TBC1D30: variants seen among roughly 807,000 people sequenced by gnomAD.
The protein encoded by TBC1D30 is TBC1 domain family member 30.
In TBC1D30, 31 loss-of-function variants were observed where a neutral mutation model predicts 63.2. That is an observed-to-expected ratio of 0.49 (90% confidence interval 0.37 to 0.66). The LOEUF (loss-of-function observed/expected upper bound fraction) is 0.66. Ranked by LOEUF, TBC1D30 falls within the 30% of genes least tolerant of loss-of-function variation. The pLI, the probability that TBC1D30 is intolerant of heterozygous loss-of-function variation, is 0.00. For missense variants in TBC1D30, 810 were observed against 953.6 expected (o/e 0.85, Z 1.98); for synonymous variants, 307 against 361.5 (o/e 0.85, Z 1.71).
chr12:64,765,176 A>G (rs564159354), intron 1 of TBC1D30, among the ~76,000 whole-genome samples: 2 of 152,266 alleles, frequency 1.3e-5, no homozygotes, highest in South Asian at 4.1e-4. Context: ...TGAAATTCAC[A>G]ATGTCCTGCG....
At position 64,775,114 on chromosome 12, in the gene TBC1D30, TATAG is replaced by T. The variant is rs1426601597; in HGVS notation, c.-375-10763_-375-10760del. ...TCTCAAAAAAAAAAAAATATATATA[TATAG>T]ATATAGATATAGATATATATGGAAG... On this transcript the variant is annotated intron_variant, in intron 1 of 13. Transcript: ENST00000674237. Among the ~76,000 whole-genome samples, 1,120 of 149,358 alleles carry T rather than the reference TATAG, an allele frequency of 7.5e-3. 19 individuals carry two copies. Among genetic ancestry groups the T allele is most frequent in the African/African-American group, 0.025 (1,026 of 40,658 alleles).
intron 1 of TBC1D30, among the ~76,000 whole-genome samples, chr12:64,762,343 A>G (rs1870547178): frequency 6.6e-6 from 1 of 152,220 alleles, no homozygotes; most frequent in South Asian, 2.1e-4. Flanking sequence ...AATGTAAGAT[A>G]AATATAATCA....
chr12:64,812,891 T>TA (rs944346293), intron 2 of TBC1D30, among the ~76,000 whole-genome samples: 1 of 151,918 alleles, frequency 6.6e-6, no homozygotes, highest in South Asian at 2.1e-4. Context: ...AGTAACATGT[T>TA]AAAAAAAATC....
rs751798157 is a variant in TBC1D30, at chr12:64,875,658, G to A, written c.2156G>A (p.Arg719Gln). 79 of 1,536,180 alleles carry A rather than the reference G, an allele frequency of 5.1e-5. No individual in the cohort carries two copies. The Middle Eastern group carries it at 6.7e-4, about 13-fold the overall frequency. ...FSPFPSVKPL[R>Q]KSATARNLGL... ...CCTTTTCCCAGCGTCAAGCCCCTGC[G>A]GAAATCTGCTACTGCCAGGAACTTG... The change falls in exon 12 of 12, where the codon CGG becomes CAG. Residue 719 changes from arginine to glutamine, a missense_variant. Transcript: ENST00000539867.
chr12:64,863,970 G>A (rs1877999704), intron 8 of TBC1D30, among the ~76,000 whole-genome samples: 1 of 152,086 alleles, frequency 6.6e-6, no homozygotes, highest in South Asian at 2.1e-4. Context: ...AAATAAGAAA[G>A]CAAACAATAT....
chr12:64,860,998 G>A lies in TBC1D30; in HGVS notation c.1039-3670G>A, dbSNP rs114951022. ...GTTGCCAGAAGGAATGAGATGTGTTGGATGCCATCTTTGTCCTCTAGGAAT... is the reference window on the plus strand; with the variant it reads ...GTTGCCAGAAGGAATGAGATGTGTTAGATGCCATCTTTGTCCTCTAGGAAT... On this transcript the variant is annotated intron_variant, in intron 8 of 11. Coordinates refer to ENST00000539867, the MANE Select transcript of TBC1D30 (RefSeq NM_015279.2). 6.0e-3 allele frequency among the ~76,000 whole-genome samples: 912 copies of A among 152,288 alleles called. 11 individuals carry two copies. The highest frequency in any genetic ancestry group is 0.02 in the African/African-American group (837 of 41,564).
At chr12:64,794,563 T>C (rs1872138406) in intron 2 of TBC1D30, among the ~76,000 whole-genome samples, 1 of 152,056 alleles carries the variant, frequency 6.6e-6, no homozygotes, top group Admixed American at 6.6e-5. Flanking sequence ...GTCAGCTTCC[T>C]GAGTAGCTGG....
chr12:64,763,728 C>G (rs1264053288), intron 1 of TBC1D30, among the ~76,000 whole-genome samples: 1 of 151,950 alleles, frequency 6.6e-6, no homozygotes, highest in Admixed American at 6.6e-5. Context: ...CCTGCCTCAG[C>G]CTCCCAAGTA....
intron 8 of TBC1D30, among the ~76,000 whole-genome samples, chr12:64,847,446 C>G (rs1298983523): frequency 6.6e-6 from 1 of 151,694 alleles, no homozygotes; most frequent in Admixed American, 6.6e-5. Flanking sequence ...TCTTGTTTTT[C>G]TAGTGCTTTA....
intron 1 of TBC1D30, chr12:64,781,320 TC>T: frequency 9.3e-7 from 1 of 1,079,418 alleles, no homozygotes; most frequent in Non-Finnish European, 1.1e-6. Context: ...CCCGGGGGCT[TC>T]CTGGAGCCGG....
Position 64,830,365 on chromosome 12 carries a change from G to A in TBC1D30, c.283-12G>A. ...TACTTTGGCATTCTCCTTTGTCTAT[G>A]TAATATTTTAGGTTTGGTTGACCTT... On this transcript the variant is annotated splice_polypyrimidine_tract_variant and intron_variant, in intron 3 of 11. Coordinates refer to ENST00000539867, the MANE Select transcript of TBC1D30 (RefSeq NM_015279.2). The A allele has an allele frequency of 1.3e-6, 2 of 1,516,218 alleles. No individual in the cohort carries two copies. Among genetic ancestry groups the A allele is most frequent in the Non-Finnish European group, 8.8e-7 (1 of 1,131,818 alleles). The allele number at this position is 1,516,218 out of a possible 1,614,324, so 93.9% of individuals were successfully genotyped here. A position where few individuals can be genotyped will look rare whatever the true frequency, so the allele number is the denominator to read the frequency against.
chr12:64,807,749 T>A (rs1872955161), intron 2 of TBC1D30, among the ~76,000 whole-genome samples: 1 of 151,894 alleles, frequency 6.6e-6, no homozygotes, highest in South Asian at 2.1e-4. Flanking sequence ...AAAATTTAAT[T>A]TTTTAAATTT....
intron 1 of TBC1D30, among the ~76,000 whole-genome samples, chr12:64,772,326 G>A (rs1322833883): frequency 6.6e-6 from 1 of 152,020 alleles, no homozygotes; most frequent in Non-Finnish European, 1.5e-5. Context: ...ATTCATGTTG[G>A]AAGAGGCACT....
rs142798816 is a variant in TBC1D30, at chr12:64,787,809, G to A, written c.643+1764G>A. ...CCAGCACTTTGGGAGGCCAAGGTGG[G>A]CAGATCACCTGAGGTTAGGAGTTCG... On this transcript the variant is annotated intron_variant, in intron 2 of 12. Coordinates refer to the TBC1D30 transcript ENST00000542120. 4.4e-3 allele frequency among the ~76,000 whole-genome samples: 669 copies of A among 152,306 alleles called. 5 individuals are homozygous for A. The highest frequency in any genetic ancestry group is 0.015 in the African/African-American group (629 of 41,566).
At chr12:64,849,926 G>A (rs1449300779) in intron 8 of TBC1D30, among the ~76,000 whole-genome samples, 16 of 152,126 alleles carry the variant, frequency 1.1e-4, no homozygotes, top group Admixed American at 1.0e-3. Flanking sequence ...TTTTCCATTT[G>A]TTTGTGCCCT....
chr12:64,795,414 A>G (rs748338480), intron 2 of TBC1D30, among the ~76,000 whole-genome samples: 3 of 152,304 alleles, frequency 2.0e-5, no homozygotes, highest in Non-Finnish European at 2.9e-5. Flanking sequence ...ACTCTCTTCA[A>G]AAATAAGACT....
At chr12:64,770,304 T>A (rs1870859370) in intron 1 of TBC1D30, among the ~76,000 whole-genome samples, 1 of 152,180 alleles carries the variant, frequency 6.6e-6, no homozygotes, top group Admixed American at 6.5e-5. Context: ...AACAATTTAC[T>A]GACAGTGTGT....
chr12:64,781,195 C>A, exon 1 of TBC1D30: 2 of 1,090,536 alleles, frequency 1.8e-6, no homozygotes, highest in Non-Finnish European at 1.1e-6. Context: ...TGGTCCTGGG[C>A]GGCCGCAGCG....
At chr12:64,854,332 G>C (rs1361190410) in intron 8 of TBC1D30, among the ~76,000 whole-genome samples, 1 of 151,956 alleles carries the variant, frequency 6.6e-6, no homozygotes, top group East Asian at 1.9e-4. Context: ...CGTAACACTG[G>C]TTGCATAAGT....
Sources: gnomAD v4.1 joint callset for allele counts (sites outside exome capture counted in the v4.1 genomes callset) on GRCh38, gnomAD v4.1.1 for gene constraint, MANE v1.5 for transcripts, NCBI Gene and HGNC (gene_info 2026-07-23, HGNC 2026-07-21) for gene names.